The following TUBB3 variants were observed in gnomAD, a reference collection of about 807,000 sequenced individuals.
The protein encoded by TUBB3 is tubulin beta-3 chain.
A neutral mutation model predicts 37.8 loss-of-function variants in TUBB3; 17 were observed. The observed-to-expected ratio is 0.45, with a 90% CI of 0.31 to 0.67. The LOEUF (loss-of-function observed/expected upper bound fraction) is 0.67. Ranked by LOEUF, TUBB3 falls within the 30% of genes least tolerant of loss-of-function variation. TUBB3 has a pLI of 0.07. For synonymous variants in TUBB3, 332 were observed against 278.9 expected (o/e 1.19, Z -1.90); for missense variants, 262 against 657.9 (o/e 0.40, Z 6.58).
chr16:89,927,421 C>G (rs376203439), intron 1 of TUBB3, among the ~76,000 whole-genome samples: 1 of 151,742 alleles, frequency 6.6e-6, no homozygotes, highest in East Asian at 1.9e-4. Context: ...ATTACTTTAT[C>G]TCAAATTATA....
At position 89,923,469 on chromosome 16, in the gene TUBB3, G is replaced by A. The variant is rs771312222; in HGVS notation, c.57+11G>A. The A allele has an allele frequency of 4.1e-6, 6 of 1,480,710 alleles. No individual in the cohort carries two copies. The highest frequency in any genetic ancestry group is 6.0e-5 in the East Asian group (2 of 33,216). The allele number at this position is 1,480,710 out of a possible 1,614,324, so 91.7% of individuals were successfully genotyped here. A position where few individuals can be genotyped will look rare whatever the true frequency, so the allele number is the denominator to read the frequency against. On this transcript the variant is annotated intron_variant, in intron 1 of 3. Coordinates refer to ENST00000315491, the MANE Select transcript of TUBB3 (RefSeq NM_006086.4). Reference sequence around the variant, plus strand: ...CAGATCGGGGCCAAGGTGAGGCTGCGCGCCCCGGCCTGTCCCGGGCCCCGG... The same window carrying A: ...CAGATCGGGGCCAAGGTGAGGCTGCACGCCCCGGCCTGTCCCGGGCCCCGG...
rs1435985175 is a variant in TUBB3 at position 89,935,930 on chromosome 16, C to T, written c.*126C>T. 6.4e-6 allele frequency: 8 copies of T among 1,257,248 alleles called. No homozygotes were observed. The highest frequency in any genetic ancestry group is 7.7e-6 in the Non-Finnish European group (7 of 913,838). 77.9% of individuals were successfully genotyped at this position (1,257,248 alleles called of 1,614,324 possible). ...CTCGCCCTAGGGCTCCCTTGCCGCC[C>T]TCCTGCAGTATTTATGGCCTCGTCC... is the stretch of plus-strand genomic sequence containing the variant. On this transcript the variant is annotated 3_prime_UTR_variant, in exon 4 of 4. Transcript: ENST00000315491.
Position 89,932,580 on chromosome 16 carries a change from G to A in TUBB3, c.67G>A (p.Val23Ile). Residue 23 changes from valine (V) to isoleucine (I), a missense_variant, in exon 2 of 4, where the codon GTC becomes ATC. By Grantham distance (29) the Val-to-Ile change is conservative. Transcript: ENST00000315491. ...CCCACTTTGTTTGCAGTTCTGGGAA[G>A]TCATCAGTGATGAGCATGGCATCGA... is the stretch of plus-strand genomic sequence containing the variant. ...GNQIGAKFWE[V>I]ISDEHGIDPS... The A allele has an allele frequency of 6.2e-7, 1 of 1,614,098 alleles. No homozygotes were observed.
intron 3 of TUBB3, 131 bp from the exon 4 acceptor site, chr16:89,934,598 G>A: frequency 1.1e-6 from 1 of 901,148 alleles, no homozygotes; most frequent in Non-Finnish European, 1.7e-6. Context: ...GTGCTCAGTG[G>A]GGCCTACTTT....
intron 1 of TUBB3, among the ~76,000 whole-genome samples, chr16:89,925,417 C>T (rs930414745): frequency 6.8e-6 from 1 of 146,978 alleles, no homozygotes; most frequent in Admixed American, 6.8e-5. Flanking sequence ...CATGGTGAAA[C>T]TCCGTTTCTT....
At chr16:89,929,817 C>G (rs2030217646) in intron 1 of TUBB3, among the ~76,000 whole-genome samples, 1 of 152,104 alleles carries the variant, frequency 6.6e-6, no homozygotes, top group South Asian at 2.1e-4. Flanking sequence ...TTCTCCGCCT[C>G]AGCCTCCCAA....
At chr16:89,928,113 G>A (rs2030149862) in intron 1 of TUBB3, among the ~76,000 whole-genome samples, 1 of 152,084 alleles carries the variant, frequency 6.6e-6, no homozygotes, top group Non-Finnish European at 1.5e-5. Flanking sequence ...CGCCTGGACT[G>A]GCATGATCTA....
Position 89,934,705 on chromosome 16 carries a change from C to G in TUBB3, c.278-24C>G, listed in dbSNP as rs771473827. ...ACTGCAGAGTCCCTGGCCCCTGTCT[C>G]TTACCCCTCTTCTCCCTGTACAGGT... On this transcript the variant is annotated intron_variant, in intron 3 of 3. Coordinates refer to ENST00000315491, the MANE Select transcript of TUBB3 (RefSeq NM_006086.4). The G allele has an allele frequency of 4.3e-6, 7 of 1,612,260 alleles. No homozygotes were observed. The East Asian group carries it at 1.6e-4, about 36-fold the overall frequency.
chr16:89,925,539 T>A (rs1387444486), intron 1 of TUBB3, among the ~76,000 whole-genome samples: 2 of 151,908 alleles, frequency 1.3e-5, no homozygotes, highest in Admixed American at 6.6e-5. Context: ...GAGGCTGCAA[T>A]GAACTATGAC....
upstream of TUBB3, chr16:89,922,649 G>A (rs540299565): frequency 1.1e-3 from 167 of 152,356 alleles, no homozygotes; most frequent in African/African-American, 3.9e-3. Context: ...GGTGCTGTGC[G>A]CGCCCGGGCC....
chr16:89,931,001 G>T (rs962939388), intron 1 of TUBB3, among the ~76,000 whole-genome samples: 6 of 151,930 alleles, frequency 3.9e-5, no homozygotes, highest in Admixed American at 1.3e-4. Context: ...CTAATTTTTT[G>T]TATCTTTAGT....
At chr16:89,929,578 C>A (rs932048984) in intron 1 of TUBB3, among the ~76,000 whole-genome samples, 1 of 152,204 alleles carries the variant, frequency 6.6e-6, no homozygotes, top group Non-Finnish European at 1.5e-5. Context: ...GTGAGAAAAT[C>A]TCAACAAGAC....
At chr16:89,929,424 G>A (rs2030203463) in intron 1 of TUBB3, among the ~76,000 whole-genome samples, 1 of 152,188 alleles carries the variant, frequency 6.6e-6, no homozygotes, top group African/African-American at 2.4e-5. Context: ...ACAGTCTCAG[G>A]GTGAACGGGC....
At chr16:89,930,055 CCTTCCTCT>C (rs1206054187) in intron 1 of TUBB3, among the ~76,000 whole-genome samples, 5 of 108,782 alleles carry the variant, frequency 4.6e-5, no homozygotes, top group Non-Finnish European at 7.1e-5. Flanking sequence ...TTCCTTCCTT[CCTTCCTCT>C]CTCTCTCTCT....
At chr16:89,932,784 T>G in intron 2 of TUBB3, 105 bp downstream of exon 2, 28 of 899,934 alleles carry the variant, frequency 3.1e-5, no homozygotes, top group Middle Eastern at 2.1e-4. Context: ...TCAGCATCTC[T>G]GTCCTCCCAT....
rs774511962 is a variant in TUBB3, at chr16:89,933,461, C to T, written c.167-7C>T. ...ACCCGAATCACCGAGCCCCTCTCTCCCCTCAGCTCACAAGTACGTGCCTCG... is the reference window on the plus strand; with the variant it reads ...ACCCGAATCACCGAGCCCCTCTCTCTCCTCAGCTCACAAGTACGTGCCTCG... On this transcript the variant is annotated splice_region_variant and splice_polypyrimidine_tract_variant and intron_variant, in intron 2 of 3. Coordinates refer to ENST00000315491, the MANE Select transcript of TUBB3 (RefSeq NM_006086.4). 1 of 1,611,704 alleles carries T rather than the reference C, an allele frequency of 6.2e-7. No homozygotes were observed. The highest frequency in any genetic ancestry group is 2.2e-5 in the East Asian group (1 of 44,866).
intron 1 of TUBB3, among the ~76,000 whole-genome samples, chr16:89,924,016 C>G (rs534343381): frequency 6.6e-6 from 1 of 152,332 alleles, no homozygotes; most frequent in African/African-American, 2.4e-5. Context: ...GGGGTTGGGC[C>G]TGGACTCGAG....
rs1485243451 is a variant in TUBB3, at chr16:89,935,920, C to T, written c.*116C>T. The T allele has an allele frequency of 2.0e-5, 26 of 1,317,064 alleles. No homozygotes were observed. The highest frequency in any genetic ancestry group is 3.0e-5 in the African/African-American group (2 of 67,754). 81.6% of individuals were successfully genotyped at this position (1,317,064 alleles called of 1,614,324 possible). Reference sequence around the variant, plus strand: ...CTGCTTTCCCCTCGCCCTAGGGCTCCCTTGCCGCCCTCCTGCAGTATTTAT... The same window carrying T: ...CTGCTTTCCCCTCGCCCTAGGGCTCTCTTGCCGCCCTCCTGCAGTATTTAT... On this transcript the variant is annotated 3_prime_UTR_variant, in exon 4 of 4. Transcript: ENST00000315491.
intron 2 of TUBB3, 117 bp from the exon 3 acceptor site, chr16:89,933,351 G>A: frequency 3.3e-6 from 3 of 902,592 alleles, no homozygotes; most frequent in Non-Finnish European, 5.6e-6. Context: ...TGACTTCAGA[G>A]TACAGGCTCT....
Sources: gnomAD v4.1 joint callset for allele counts (sites outside exome capture counted in the v4.1 genomes callset) on GRCh38, gnomAD v4.1.1 for gene constraint, MANE v1.5 for transcripts, NCBI Gene and HGNC (gene_info 2026-07-23, HGNC 2026-07-21) for gene names.